SGCG: variants seen among roughly 807,000 people sequenced by gnomAD.
SGCG encodes the protein gamma-sarcoglycan.
In SGCG, 26 loss-of-function variants were observed where a neutral mutation model predicts 29.3. The observed-to-expected ratio is 0.89, with a 90% CI of 0.65 to 1.23. The LOEUF (loss-of-function observed/expected upper bound fraction) is 1.23. Ranked by LOEUF, SGCG falls within the 50% of genes most tolerant of loss-of-function variation. The probability of loss-of-function intolerance (pLI) is 0.00; values close to 1 mark genes in which losing one functional copy is unlikely to be tolerated. For synonymous variants in SGCG, 145 were observed against 129.7 expected (o/e 1.12, Z -0.80); for missense variants, 353 against 356.0 (o/e 0.99, Z 0.07).
intron 2 of SGCG, among the ~76,000 whole-genome samples, chr13:23,204,438 T>A (rs1281702621): frequency 3.9e-5 from 6 of 152,176 alleles, no homozygotes; most frequent in African/African-American, 1.4e-4. Flanking sequence ...TGATAATATT[T>A]TGTGTACTTT....
At chr13:23,314,133 C>T (rs1191190842) in intron 6 of SGCG, among the ~76,000 whole-genome samples, 1 of 148,118 alleles carries the variant, frequency 6.8e-6, no homozygotes, top group Non-Finnish European at 1.5e-5. Context: ...ATCTATATAT[C>T]TATATCTGTA....
At chr13:23,253,752 G>A (rs1342701989) in intron 4 of SGCG, among the ~76,000 whole-genome samples, 2 of 152,198 alleles carry the variant, frequency 1.3e-5, no homozygotes, top group African/African-American at 2.4e-5. Context: ...TGTATCATGA[G>A]GGTGGATCCC....
chr13:23,238,793 TAAC>T (rs1593190763), intron 3 of SGCG, among the ~76,000 whole-genome samples: 1 of 152,282 alleles, frequency 6.6e-6, no homozygotes, highest in East Asian at 1.9e-4. Context: ...ATGAAAAGTA[TAAC>T]AACTGAAATT....
intron 4 of SGCG, chr13:23,267,741 T>C (rs1880692076): frequency 1.3e-5 from 2 of 152,334 alleles, no homozygotes; most frequent in African/African-American, 4.8e-5. Flanking sequence ...TTGAACTCAA[T>C]GGAAGAAACA....
chr13:23,198,873 C>T (rs530623521), intron 1 of SGCG, among the ~76,000 whole-genome samples: 2 of 147,352 alleles, frequency 1.4e-5, no homozygotes, highest in Non-Finnish European at 3.0e-5. Context: ...ATTTGGGAGG[C>T]CGAGGCAGGC....
chr13:23,275,008 T>A (rs1881014076), intron 4 of SGCG, among the ~76,000 whole-genome samples: 1 of 151,522 alleles, frequency 6.6e-6, no homozygotes, highest in Non-Finnish European at 1.5e-5. Context: ...ATTTAATAGG[T>A]TATACAATAA....
At position 23,224,676 on chromosome 13, in the gene SGCG, A is replaced by ACACACACACACACACACACC. The variant is rs1280270038; in HGVS notation, c.196-9930_196-9929insACACACACACACACCCACAC. On this transcript the variant is annotated intron_variant, in intron 2 of 7. Transcript: ENST00000218867. ...AAACAGGGCACACATACACACACAC[A>ACACACACACACACACACACC]CACACCCCACACCAGTGCAAGCACT... Among the ~76,000 whole-genome samples, 41 of 148,996 alleles carry ACACACACACACACACACACC rather than the reference A, an allele frequency of 2.8e-4. No individual in the cohort carries two copies. The East Asian group carries it at 8.6e-3, about 31-fold the overall frequency.
At chr13:23,175,059 A>G in the SGCG span, among the ~76,000 whole-genome samples, 1 of 152,196 alleles carries the variant, frequency 6.6e-6, no homozygotes, top group African/African-American at 2.4e-5. Flanking sequence ...CAAGAAATAA[A>G]TATGTAAGTA....
At chr13:23,220,035 G>A (rs1878597689) in intron 2 of SGCG, among the ~76,000 whole-genome samples, 1 of 151,646 alleles carries the variant, frequency 6.6e-6, no homozygotes, top group African/African-American at 2.4e-5. Flanking sequence ...TAGAGACATG[G>A]TTTCACCATG....
At chr13:23,323,015 A>G (rs954706307) in intron 7 of SGCG, among the ~76,000 whole-genome samples, 8 of 152,200 alleles carry the variant, frequency 5.3e-5, no homozygotes, top group Admixed American at 2.0e-4. Context: ...TTTTGAAACT[A>G]CATTACTGTG....
chr13:23,285,143 G>T (rs1241795030), intron 5 of SGCG, among the ~76,000 whole-genome samples: 1 of 152,192 alleles, frequency 6.6e-6, no homozygotes, highest in Non-Finnish European at 1.5e-5. Flanking sequence ...CGCTGTGCTG[G>T]GAGATCCGCT....
intron 6 of SGCG, among the ~76,000 whole-genome samples, chr13:23,313,314 AC>A (rs35084889): frequency 6.6e-6 from 1 of 151,836 alleles, no homozygotes; most frequent in East Asian, 1.9e-4. Flanking sequence ...ACAGGCATCC[AC>A]CACCATGCCC....
At chr13:23,185,436 C>T (rs564056859) in intron 1 of SGCG, among the ~76,000 whole-genome samples, 209 of 152,262 alleles carry the variant, frequency 1.4e-3, no homozygotes, top group African/African-American at 4.9e-3. Context: ...GTGATCTGCT[C>T]GCCTTGGCCT....
Position 23,191,417 on chromosome 13 carries a change from G to T in SGCG, c.-1+10342G>T, listed in dbSNP as rs546246712. Among the ~76,000 whole-genome samples, 17 of 152,300 alleles carry T rather than the reference G, an allele frequency of 1.1e-4. No homozygotes were observed. The South Asian group carries it at 2.3e-3, about 20-fold the overall frequency. ...GTCAAGGTATCGGGTGCAGGGGTCAGAAAGAAACATGACTCCATGGACCAC... is the reference window on the plus strand; with the variant it reads ...GTCAAGGTATCGGGTGCAGGGGTCATAAAGAAACATGACTCCATGGACCAC... On this transcript the variant is annotated intron_variant, in intron 1 of 7. Coordinates refer to ENST00000218867, the MANE Select transcript of SGCG (RefSeq NM_000231.3).
At position 23,269,510 on chromosome 13, in the gene SGCG, T is replaced by C. The variant is rs187471929; in HGVS notation, c.386-9849T>C. Among the ~76,000 whole-genome samples, 7 of 152,304 alleles carry C rather than the reference T, an allele frequency of 4.6e-5. No homozygotes were observed. The East Asian group carries it at 1.3e-3, about 29-fold the overall frequency. On this transcript the variant is annotated intron_variant, in intron 4 of 7. Transcript: ENST00000218867. ...TCACCCACACCCTCTCAGTAGCCAGTCTTTTCCATTTTAGGTTTATCCATC... is the reference window on the plus strand; with the variant it reads ...TCACCCACACCCTCTCAGTAGCCAGCCTTTTCCATTTTAGGTTTATCCATC...
chr13:23,288,827 C>A (rs1489199457), intron 5 of SGCG, among the ~76,000 whole-genome samples: 1 of 152,210 alleles, frequency 6.6e-6, no homozygotes, highest in Non-Finnish European at 1.5e-5. Context: ...TCCCTGGCAA[C>A]AATTTGCTAG....
At chr13:23,243,742 A>G (rs1394132217) in intron 3 of SGCG, 4 of 152,148 alleles carry the variant, frequency 2.6e-5, no homozygotes, top group Non-Finnish European at 4.4e-5. Context: ...GCTTTGAGGC[A>G]GCTATAATTT....
At position 23,298,433 on chromosome 13, in the gene SGCG, AT is replaced by A. The variant is rs202063148; in HGVS notation, c.578+2952del. 4.1e-3 allele frequency among the ~76,000 whole-genome samples: 626 copies of A among 152,282 alleles called. 3 individuals are homozygous for A. The highest frequency in any genetic ancestry group is 0.014 in the African/African-American group (593 of 41,560). ...ATAATAAAGGATTAGGAAAAGCAGC[AT>A]TTTTTATATATTTAATGTCCAATTA... On this transcript the variant is annotated intron_variant, in intron 6 of 7. Transcript: ENST00000218867.
At chr13:23,295,595 A>G (rs1323375127) in intron 6 of SGCG, 108 bp downstream of exon 6, 2 of 829,646 alleles carry the variant, frequency 2.4e-6, no homozygotes, top group Admixed American at 3.6e-5. Context: ...TTATTTCATC[A>G]GTTGCCTTTA....
Sources: allele counts gnomAD v4.1 joint callset (sites outside exome capture counted in the v4.1 genomes callset), GRCh38; gene constraint gnomAD v4.1.1; transcripts MANE v1.5; gene names NCBI Gene and HGNC (gene_info 2026-07-23, HGNC 2026-07-21).